The following ALK variants were observed in gnomAD, a reference collection of about 807,000 sequenced individuals.
ALK encodes ALK tyrosine kinase receptor.
A neutral mutation model predicts 163.1 loss-of-function variants in ALK; 74 were observed. The observed-to-expected ratio is 0.45, with a 90% CI of 0.38 to 0.55. The LOEUF is 0.55. Ranked by LOEUF, ALK falls within the 20% of genes least tolerant of loss-of-function variation. The probability of loss-of-function intolerance (pLI) is 0.00; values close to 1 mark genes in which losing one functional copy is unlikely to be tolerated. For synonymous variants in ALK, 960 were observed against 843.2 expected, an observed-to-expected ratio of 1.14 and a Z score of -2.40; for missense variants, 2,063 against 2,105.3, an observed-to-expected ratio of 0.98 and a Z score of 0.39.
At chr2:29,429,712 A>G (rs1454889238) in intron 4 of ALK, among the ~76,000 whole-genome samples, 1 of 152,104 alleles carries the variant, frequency 6.6e-6, no homozygotes, top group Non-Finnish European at 1.5e-5. Flanking sequence ...ACTTTTTGGT[A>G]TAAATTGACA....
At chr2:29,620,026 A>T (rs1675984101) in intron 3 of ALK, among the ~76,000 whole-genome samples, 1 of 152,262 alleles carries the variant, frequency 6.6e-6, no homozygotes, top group African/African-American at 2.4e-5. Flanking sequence ...TTGGCTCTCC[A>T]GTAGACGTTC....
intron 4 of ALK, among the ~76,000 whole-genome samples, chr2:29,405,785 A>G (rs1669567189): frequency 6.6e-6 from 1 of 152,242 alleles, no homozygotes; most frequent in African/African-American, 2.4e-5. Flanking sequence ...TAGGCAGCTG[A>G]AATAATGAAG....
chr2:29,312,288 C>A (rs1045247584), intron 8 of ALK, among the ~76,000 whole-genome samples: 12 of 152,134 alleles, frequency 7.9e-5, no homozygotes, highest in Admixed American at 2.6e-4. Context: ...TAGATTCAGG[C>A]TGGGCATGTT....
chr2:29,612,067 G>A (rs1675707997), intron 3 of ALK, among the ~76,000 whole-genome samples: 1 of 152,132 alleles, frequency 6.6e-6, no homozygotes, highest in Admixed American at 6.5e-5. Flanking sequence ...CCAGCTCAGG[G>A]CCTGGAAGTG....
At chr2:29,448,605 T>C (rs1391676877) in intron 4 of ALK, among the ~76,000 whole-genome samples, 1 of 152,164 alleles carries the variant, frequency 6.6e-6, no homozygotes, top group Non-Finnish European at 1.5e-5. Context: ...TCATGCAACA[T>C]ACGAGTCAGC....
intron 3 of ALK, among the ~76,000 whole-genome samples, chr2:29,632,353 T>A (rs886319126): frequency 6.6e-6 from 1 of 152,116 alleles, no homozygotes; most frequent in Non-Finnish European, 1.5e-5. Context: ...CCCAGTATGA[T>A]TGTATTTGGA....
chr2:29,477,920 A>G (rs535143238), intron 4 of ALK, among the ~76,000 whole-genome samples: 2 of 152,358 alleles, frequency 1.3e-5, no homozygotes, highest in Non-Finnish European at 2.9e-5. Context: ...CCTATAGGCG[A>G]AGCAAGGAAG....
intron 4 of ALK, among the ~76,000 whole-genome samples, chr2:29,463,841 C>A (rs1179971553): frequency 1.3e-5 from 2 of 152,178 alleles, no homozygotes; most frequent in Admixed American, 6.5e-5. Context: ...TACCAGAAAT[C>A]ATCAGGCTGA....
In ALK at chr2:29,901,847, A is replaced by T. The variant is rs534378229; in HGVS notation, c.667+18146T>A. On this transcript the variant is annotated intron_variant, in intron 1 of 28. Transcript: ENST00000389048. ...ACTGACAGTCTTCTGATCTGAAAGAAATAGTTTATTGTGTTCCTCAGTTTA... is the reference window on the plus strand; with the variant it reads ...ACTGACAGTCTTCTGATCTGAAAGATATAGTTTATTGTGTTCCTCAGTTTA... 3.9e-5 allele frequency among the ~76,000 whole-genome samples: 6 copies of T among 152,304 alleles called. No individual in the cohort carries two copies. The East Asian group carries it at 1.2e-3, about 29-fold the overall frequency.
At chr2:29,367,544 G>T (rs1252189912) in intron 5 of ALK, among the ~76,000 whole-genome samples, 1 of 152,224 alleles carries the variant, frequency 6.6e-6, no homozygotes, top group African/African-American at 2.4e-5. Context: ...GGGGGCAAGA[G>T]AGGTGACAGG....
chr2:29,823,231 G>T (rs535902321), intron 1 of ALK, among the ~76,000 whole-genome samples: 2 of 152,240 alleles, frequency 1.3e-5, no homozygotes, highest in East Asian at 1.9e-4. Context: ...GGCCTCCCCA[G>T]CCACGTGGAA....
At chr2:29,624,362 G>C (rs763273829) in intron 3 of ALK, among the ~76,000 whole-genome samples, 1 of 152,202 alleles carries the variant, frequency 6.6e-6, no homozygotes, top group Non-Finnish European at 1.5e-5. Context: ...CTCACACAGA[G>C]TATTTCTGTT....
chr2:29,589,505 A>G (rs936945833), intron 3 of ALK, among the ~76,000 whole-genome samples: 1 of 152,230 alleles, frequency 6.6e-6, no homozygotes, highest in Non-Finnish European at 1.5e-5. Flanking sequence ...AGCTTCCTCA[A>G]GTTTGTACAG....
intron 4 of ALK, among the ~76,000 whole-genome samples, chr2:29,463,392 G>C (rs984738621): frequency 1.2e-4 from 18 of 152,282 alleles, no homozygotes; most frequent in African/African-American, 4.3e-4. Context: ...TAATATGAAA[G>C]TCTGTTCTTT....
At chr2:29,664,278 C>G (rs1356477736) in intron 3 of ALK, among the ~76,000 whole-genome samples, 2 of 152,072 alleles carry the variant, frequency 1.3e-5, no homozygotes, top group Admixed American at 1.3e-4. Flanking sequence ...TATGAAAAAC[C>G]AAACTTGAAA....
chr2:29,308,734 A>C (rs193044181), intron 8 of ALK, among the ~76,000 whole-genome samples: 3 of 152,338 alleles, frequency 2.0e-5, no homozygotes, highest in Non-Finnish European at 2.9e-5. Context: ...GGGCTTTAAT[A>C]AGATTATATG....
At chr2:29,240,152 CAGAGAGAGAGAG>C (rs3054022) in intron 12 of ALK, among the ~76,000 whole-genome samples, 52 of 143,410 alleles carry the variant, frequency 3.6e-4, no homozygotes, top group African/African-American at 1.3e-3. Context: ...AGGGAAACAG[CAGAGAGAGAGAG>C]AGAGAGAGAG....
intron 1 of ALK, among the ~76,000 whole-genome samples, chr2:29,916,473 T>G (rs904154507): frequency 4.6e-5 from 7 of 152,230 alleles, no homozygotes; most frequent in African/African-American, 1.7e-4. Flanking sequence ...CTAGTTCCAA[T>G]TCTCCCAATT....
intron 3 of ALK, among the ~76,000 whole-genome samples, chr2:29,635,914 A>G (rs1676510808): frequency 6.6e-6 from 1 of 152,052 alleles, no homozygotes; most frequent in South Asian, 2.1e-4. Flanking sequence ...TACAGGCATG[A>G]GTCACTGTGT....
Sources: gnomAD v4.1 joint callset for allele counts (sites outside exome capture counted in the v4.1 genomes callset) on GRCh38, gnomAD v4.1.1 for gene constraint, MANE v1.5 for transcripts, NCBI Gene and HGNC (gene_info 2026-07-23, HGNC 2026-07-21) for gene names.